Variants in BAIAP3 observed in about 807,000 individuals in gnomAD.
BAIAP3 encodes the protein BAI1-associated protein 3.
BAIAP3 carries 180 observed loss-of-function variants against 149.7 expected under a neutral mutation model. The observed-to-expected ratio is 1.20, with a 90% CI of 1.07 to 1.36. BAIAP3 has a LOEUF of 1.36. Among genes scored for constraint, BAIAP3 ranks in the 40% most tolerant of loss-of-function variants. The probability of loss-of-function intolerance (pLI) is 0.00; values close to 1 mark genes in which losing one functional copy is unlikely to be tolerated. For missense variants in BAIAP3, 1,767 were observed against 1,563.4 expected (o/e 1.13, Z -2.20); for synonymous variants, 845 against 670.7 (o/e 1.26, Z -4.02).
chr16:1,346,110 G>C, intron 24 of BAIAP3, 32 bp downstream of exon 24: 2 of 1,605,402 alleles, frequency 1.2e-6, no homozygotes, highest in Non-Finnish European at 1.7e-6. Flanking sequence ...GGAGCCGGCA[G>C]GAGGTGGGGG....
rs1418890653 is a variant in BAIAP3, at chr16:1,345,062, G to A, written c.1903G>A (p.Ala635Thr). The part of the protein sequence containing the change: ...SGLFELYLTL[A>T]DLQRFWDSIP... ...GCTCTTTGAGCTCTACCTGACCCTGGCTGACCTCCAGCGCTTCTGGGATAG... is the reference window on the plus strand; with the variant it reads ...GCTCTTTGAGCTCTACCTGACCCTGACTGACCTCCAGCGCTTCTGGGATAG... The change falls in exon 21 of 34, where the codon GCT becomes ACT. Residue 635 changes from alanine (A) to threonine (T), a missense_variant. Ala to Thr is a moderately conservative substitution (Grantham distance 58). Coordinates refer to ENST00000426824, the MANE Select transcript of BAIAP3 (RefSeq NM_001199097.2). 4 of 1,612,486 alleles carry A rather than the reference G, an allele frequency of 2.5e-6. No individual in the cohort carries two copies. The highest frequency in any genetic ancestry group is 3.4e-6 in the Non-Finnish European group (4 of 1,179,996).
chr16:1,344,445 C>T, intron 17 of BAIAP3, 24 bp from the exon 18 acceptor site: 2 of 1,613,044 alleles, frequency 1.2e-6, no homozygotes. Flanking sequence ...ATCCACCATG[C>T]TGTCTTGGTG....
intron 1 of BAIAP3, chr16:1,334,466 A>C: frequency 3.3e-5 from 19 of 567,942 alleles, no homozygotes; most frequent in Middle Eastern, 4.8e-4. Context: ...CGGGGCAGGG[A>C]GGGGGTCGGT....
rs751484936 is a variant in BAIAP3 at position 1,339,582 on chromosome 16, C to T, written c.387C>T (p.Ala129=). 6.3e-5 allele frequency: 102 copies of T among 1,612,198 alleles called. No individual in the cohort carries two copies. The Middle Eastern group carries it at 1.3e-3, about 21-fold the overall frequency. Residue 129 remains alanine, a synonymous_variant, in exon 5 of 34, where the codon GCC becomes GCT. Transcript: ENST00000426824. ...MGPDQVDDEE[A]LLSYLQQVFG... ...CTGACCAGGTGGACGACGAGGAGGC[C>T]CTGCTCAGCTATCTCCAGCAGGTCA...
At position 1,347,701 on chromosome 16, in the gene BAIAP3, A is replaced by G; in HGVS notation, c.2905A>G (p.Arg969Gly). The G allele has an allele frequency of 1.2e-6, 2 of 1,611,000 alleles. No homozygotes were observed. Among genetic ancestry groups the G allele is most frequent in the Admixed American group, 1.7e-5 (1 of 59,968 alleles). ...EQFYLDKLKQ[R>G]TLEQNRFGRL... is the part of the protein sequence containing the mutation. ...GCTGCGCTCACCCGCCTTTCCGCAG[A>G]GGACCCTGGAGCAGAACCGGTTTGG... Residue 969 changes from arginine to glycine, a missense_variant and splice_region_variant, in exon 31 of 34, where the codon AGG becomes GGG. Coordinates refer to ENST00000426824, the MANE Select transcript of BAIAP3 (RefSeq NM_001199097.2).
rs2141591878 is a variant in BAIAP3 at position 1,342,712 on chromosome 16, G to A, written c.1066-7G>A. 3 of 1,612,288 alleles carry A rather than the reference G, an allele frequency of 1.9e-6. No individual in the cohort carries two copies. The highest frequency in any genetic ancestry group is 2.5e-6 in the Non-Finnish European group (3 of 1,179,956). On this transcript the variant is annotated splice_region_variant and splice_polypyrimidine_tract_variant and intron_variant, in intron 12 of 33. Coordinates refer to ENST00000426824, the MANE Select transcript of BAIAP3 (RefSeq NM_001199097.2). ...GAGCTGGTGACTGGGTGGGCTCTGC[G>A]TTGCAGAGGGATACGGCCATGAGCC...
Position 1,338,615 on chromosome 16 carries a change from C to T in BAIAP3, c.66C>T (p.Arg22=). The change falls in exon 2 of 34, where the codon CGC becomes CGT. Residue 22 remains arginine (R), a synonymous_variant. Transcript: ENST00000426824. ...AGGTGCAGGTGTGCCCGTCCTTCCG[C>T]CGCAGGACTGAGCAGGACCCAGGGA... The part of the protein sequence containing the change: ...LRQVQVCPSF[R]RRTEQDPGSA... The T allele has an allele frequency of 6.2e-7, 1 of 1,605,304 alleles. No individual in the cohort carries two copies. The highest frequency in any genetic ancestry group is 8.5e-7 in the Non-Finnish European group (1 of 1,176,802).
chr16:1,346,102 A>T, intron 24 of BAIAP3, 24 bp downstream of exon 24: 1 of 1,605,534 alleles, frequency 6.2e-7, no homozygotes, highest in South Asian at 1.1e-5. Context: ...TGGGGAGGGG[A>T]GCCGGCAGGA....
At chr16:1,334,843 T>C in intron 1 of BAIAP3, 1 of 1,310,500 alleles carries the variant, frequency 7.6e-7, no homozygotes, top group Non-Finnish European at 1.1e-6. Flanking sequence ...GCAGGGAAGC[T>C]GGAGAGAAGA....
intron 1 of BAIAP3, 67 bp from the exon 2 acceptor site, chr16:1,338,473 C>CCGCGGGGGGGGGG: frequency 9.2e-7 from 1 of 1,091,546 alleles, no homozygotes; most frequent in Non-Finnish European, 1.2e-6. Context: ...CCCACCCCCC[C>CCGCGGGGGGGGGG]GCCTGCTGTG....
chr16:1,343,258 A>G, intron 14 of BAIAP3, 135 bp from the exon 15 acceptor site: 1 of 1,352,202 alleles, frequency 7.4e-7, no homozygotes, highest in Non-Finnish European at 1.0e-6. Context: ...GAGGGCAGGG[A>G]AAGGGGCAGT....
Position 1,342,241 on chromosome 16 carries a change from C to T in BAIAP3, c.915C>T (p.Asp305=), listed in dbSNP as rs745870059. 3 of 1,612,428 alleles carry T rather than the reference C, an allele frequency of 1.9e-6. No individual in the cohort carries two copies. Among genetic ancestry groups the T allele is most frequent in the Admixed American group, 3.3e-5 (2 of 59,976 alleles). The change falls in exon 11 of 34, where the codon GAC becomes GAT. Residue 305 remains aspartate, a synonymous_variant. Coordinates refer to ENST00000426824, the MANE Select transcript of BAIAP3 (RefSeq NM_001199097.2). ...RANGTAGPTE[D]HTDDFLGCLN... The stretch of plus-strand genomic sequence containing the variant: ...ACGGGACAGCAGGACCCACCGAGGA[C>T]CACACCGATGACTTCCTGGGGTGCC...
At position 1,345,323 on chromosome 16, in the gene BAIAP3, T is replaced by C. The variant is rs781603586; in HGVS notation, c.2015T>C (p.Leu672Pro). The C allele has an allele frequency of 6.2e-7, 1 of 1,613,064 alleles. No individual in the cohort carries two copies. Among genetic ancestry groups the C allele is most frequent in the Non-Finnish European group, 8.5e-7 (1 of 1,179,908 alleles). Residue 672 changes from leucine (L) to proline (P), a missense_variant, in exon 22 of 34, where the codon CTG becomes CCG. By Grantham distance (98) the Leu-to-Pro change is moderately conservative. Transcript: ENST00000426824. Reference sequence around the variant, plus strand: ...GCTGTGAAGCTCTGGTTCCAAGTGCTGAGGGACCAGGCCAAGTGGAGGCTT... The same window carrying C: ...GCTGTGAAGCTCTGGTTCCAAGTGCCGAGGGACCAGGCCAAGTGGAGGCTT... ...LPAVKLWFQV[L>P]RDQAKWRLQG...
Position 1,341,347 on chromosome 16 carries a change from C to T in BAIAP3, c.589C>T (p.Arg197Trp), listed in dbSNP as rs997538561. 1.1e-5 allele frequency: 18 copies of T among 1,611,938 alleles called. No individual in the cohort carries two copies. The highest frequency in any genetic ancestry group is 4.4e-5 in the South Asian group (4 of 91,064). Residue 197 changes from arginine (R) to tryptophan (W), a missense_variant, in exon 8 of 34, where the codon CGG (arginine) becomes TGG (tryptophan). Coordinates refer to ENST00000426824, the MANE Select transcript of BAIAP3 (RefSeq NM_001199097.2). ...CATCCTGCCTGCCTCGGACGCCACG[C>T]GGGAGCCCCGTGCACAGAAGGAGCA... is the stretch of plus-strand genomic sequence containing the variant. The part of the protein sequence containing the change: ...LGILPASDAT[R>W]EPRAQKEQRF...
chr16:1,337,264 C>T (rs770534038), intron 1 of BAIAP3, among the ~76,000 whole-genome samples: 14 of 152,202 alleles, frequency 9.2e-5, no homozygotes, highest in Non-Finnish European at 2.1e-4. Flanking sequence ...GCCTGTAATC[C>T]CAGCACTTTG....
chr16:1,341,126 C>T lies in BAIAP3; in HGVS notation c.469-3C>T. The T allele has an allele frequency of 3.1e-6, 5 of 1,612,358 alleles. No individual in the cohort carries two copies. Among genetic ancestry groups the T allele is most frequent in the Non-Finnish European group, 4.2e-6 (5 of 1,179,634 alleles). On this transcript the variant is annotated splice_region_variant and splice_polypyrimidine_tract_variant and intron_variant, in intron 6 of 33. Transcript: ENST00000426824. The stretch of plus-strand genomic sequence containing the variant: ...CAGGCCCCCCACGCCCCTCTGTCCA[C>T]AGGCCCCCACGTATGCCCTGAAAGT...
At chr16:1,335,895 G>C (rs146037948) in intron 1 of BAIAP3, among the ~76,000 whole-genome samples, 1 of 152,152 alleles carries the variant, frequency 6.6e-6, no homozygotes, top group Non-Finnish European at 1.5e-5. Context: ...GACCTTGGGC[G>C]GGCTCCCAGC....
Position 1,342,997 on chromosome 16 carries a change from C to T in BAIAP3, c.1246C>T (p.Pro416Ser), listed in dbSNP as rs2034031345. Reference protein sequence around the residue: ...CLHGAQSNLSPLQLAVLHWQV... With the variant: ...CLHGAQSNLSSLQLAVLHWQV... ...GCACGGAGCCCAGAGCAACCTGTCA[C>T]CCTTGCAGCTGGCCGTGCTGTGAGT... The change falls in exon 14 of 34, where the codon CCC (proline) becomes TCC (serine). Residue 416 changes from proline to serine, a missense_variant. Physicochemically the swap from Pro to Ser is moderately conservative, Grantham distance 74. Coordinates refer to ENST00000426824, the MANE Select transcript of BAIAP3 (RefSeq NM_001199097.2). 1 of 1,610,184 alleles carries T rather than the reference C, an allele frequency of 6.2e-7. No homozygotes were observed. Among genetic ancestry groups the T allele is most frequent in the African/African-American group, 1.3e-5 (1 of 74,866 alleles).
intron 31 of BAIAP3, 35 bp downstream of exon 31, chr16:1,347,856 G>C: frequency 6.2e-7 from 1 of 1,606,438 alleles, no homozygotes; most frequent in Non-Finnish European, 8.5e-7. Flanking sequence ...GGTGGTGGTG[G>C]GATGGGGGCA....
Sources: gnomAD v4.1 joint callset for allele counts (sites outside exome capture counted in the v4.1 genomes callset) on GRCh38, gnomAD v4.1.1 for gene constraint, MANE v1.5 for transcripts, NCBI Gene and HGNC (gene_info 2026-07-23, HGNC 2026-07-21) for gene names.